EPS15: variants seen among roughly 807,000 people sequenced by gnomAD.
EPS15 encodes the protein epidermal growth factor receptor pathway substrate 15, also known as epidermal growth factor receptor substrate 15.
In EPS15, 72 loss-of-function variants were observed where a neutral mutation model predicts 113.8. The observed-to-expected ratio is 0.63, with a 90% confidence interval of 0.52 to 0.77. The LOEUF is 0.77. Among genes scored for constraint, EPS15 ranks in the 30% least tolerant of loss-of-function variants. The probability of loss-of-function intolerance (pLI) is 0.00; values close to 1 mark genes in which losing one functional copy is unlikely to be tolerated. For missense variants in EPS15, 1,048 were observed against 1,045.8 expected (o/e 1.00, Z -0.03); for synonymous variants, 344 against 363.4 (o/e 0.95, Z 0.61).
chr1:51,358,695 A>ATTTTTTTTTT (rs1646299139), intron 24 of EPS15, among the ~76,000 whole-genome samples: 2 of 140,416 alleles, frequency 1.4e-5, no homozygotes, highest in African/African-American at 5.5e-5. Context: ...TTCCAACCAG[A>ATTTTTTTTTT]TTTGTTTTTT....
chr1:51,377,675 G>A (rs1163645501), intron 21 of EPS15, among the ~76,000 whole-genome samples: 1 of 152,176 alleles, frequency 6.6e-6, no homozygotes, highest in Non-Finnish European at 1.5e-5. Context: ...TATCTTGTGT[G>A]GGTAAAAGGC....
At chr1:51,377,195 C>T (rs1019265961) in intron 21 of EPS15, among the ~76,000 whole-genome samples, 4 of 152,156 alleles carry the variant, frequency 2.6e-5, no homozygotes, top group African/African-American at 7.2e-5. Context: ...ACCCAAGAGG[C>T]GGAAGTTGCA....
chr1:51,421,744 T>A (rs887700075), intron 13 of EPS15, 42 bp downstream of exon 13: 1 of 1,270,628 alleles, frequency 7.9e-7, no homozygotes, highest in African/African-American at 1.5e-5. Context: ...AAATGAATAG[T>A]CCTAAATCAG....
intron 8 of EPS15, among the ~76,000 whole-genome samples, chr1:51,459,313 A>G (rs970502202): frequency 6.6e-5 from 10 of 152,160 alleles, no homozygotes; most frequent in Non-Finnish European, 1.2e-4. Context: ...CCTGGCCAAC[A>G]TGGTGAAACC....
At chr1:51,517,735 C>CTTCCCCACTGTGA (rs113850099) in intron 1 of EPS15, among the ~76,000 whole-genome samples, 1 of 152,156 alleles carries the variant, frequency 6.6e-6, no homozygotes. Context: ...TTAAAGGGTT[C>CTTCCCCACTGTGA]TCTGCTTGTC....
intron 11 of EPS15, among the ~76,000 whole-genome samples, chr1:51,441,572 T>C (rs1652601237): frequency 6.6e-6 from 1 of 152,116 alleles, no homozygotes; most frequent in Non-Finnish European, 1.5e-5. Flanking sequence ...GTATAGTTAA[T>C]TTACGTCAAC....
At position 51,408,207 on chromosome 1, in the gene EPS15, A is replaced by T. The variant is rs150935900; in HGVS notation, c.1401T>A (p.Ser467Arg). The stretch of plus-strand genomic sequence containing the variant: ...CCAACTGAGCCTTCCCTGACTCTAC[A>T]CTCTCCTCCAATTCTGCTGTTTCTT... ...LQQETAELEE[S>R]VESGKAQLEP... Residue 467 changes from serine to arginine, a missense_variant, in exon 15 of 25, where the codon AGT (serine) becomes AGA (arginine). Transcript: ENST00000371733. The T allele has an allele frequency of 1.2e-6, 2 of 1,613,544 alleles. No individual in the cohort carries two copies. Among genetic ancestry groups the T allele is most frequent in the Non-Finnish European group, 1.7e-6 (2 of 1,179,822 alleles).
At chr1:51,369,751 C>T (rs1016212017) in intron 21 of EPS15, among the ~76,000 whole-genome samples, 1 of 152,086 alleles carries the variant, frequency 6.6e-6, no homozygotes, top group Non-Finnish European at 1.5e-5. Flanking sequence ...CTGATTTAAT[C>T]ACAGTACTCA....
Position 51,356,562 on chromosome 1 carries a change from C to G in EPS15, c.*138G>C. 1.5e-6 allele frequency: 1 copy of G among 646,474 alleles called. No individual in the cohort carries two copies. Among genetic ancestry groups the G allele is most frequent in the Admixed American group, 3.9e-5 (1 of 25,864 alleles). The allele number at this position is 646,474 out of a possible 1,614,324, so 40.0% of individuals were successfully genotyped here. A position where few individuals can be genotyped will look rare whatever the true frequency, so the allele number is the denominator to read the frequency against. ...CTGTAATGAAGAAAAAAAAAAAATC[C>G]TAAAATTTTGTCACATTTACAGGAA... is the stretch of plus-strand genomic sequence containing the variant. On this transcript the variant is annotated 3_prime_UTR_variant, in exon 25 of 25. Coordinates refer to ENST00000371733, the MANE Select transcript of EPS15 (RefSeq NM_001981.3).
In EPS15 at chr1:51,435,390, C is replaced by T. The variant is rs557540939; in HGVS notation, c.1040+4957G>A. Among the ~76,000 whole-genome samples, 21 of 152,138 alleles carry T rather than the reference C, an allele frequency of 1.4e-4. 1 individual carries two copies. In the South Asian group the frequency reaches 1.5e-3, roughly 11 times the overall value. On this transcript the variant is annotated intron_variant, in intron 12 of 24. Coordinates refer to ENST00000371733, the MANE Select transcript of EPS15 (RefSeq NM_001981.3). The stretch of plus-strand genomic sequence containing the variant: ...TGTATTTTTAGTACAGATGAGGTTT[C>T]GCCATGTTGGCCAAGCTGGTCTCAA...
chr1:51,509,956 A>G (rs925763638), intron 1 of EPS15, among the ~76,000 whole-genome samples: 1 of 152,242 alleles, frequency 6.6e-6, no homozygotes, highest in African/African-American at 2.4e-5. Flanking sequence ...CTACTGGGTT[A>G]CAATTCTGGC....
intron 1 of EPS15, among the ~76,000 whole-genome samples, chr1:51,511,285 G>A (rs1310902930): frequency 6.6e-6 from 1 of 151,998 alleles, no homozygotes; most frequent in Admixed American, 6.6e-5. Context: ...CTTGAGGTCG[G>A]GAGATAGAGA....
intron 12 of EPS15, among the ~76,000 whole-genome samples, chr1:51,426,845 A>C (rs375075201): frequency 0.02 from 2,846 of 144,886 alleles, 51 homozygotes; most frequent in South Asian, 0.034. Context: ...CTCTATATAT[A>C]TATATATACA....
intron 15 of EPS15, among the ~76,000 whole-genome samples, chr1:51,407,889 C>G (rs1388827145): frequency 6.6e-6 from 1 of 152,096 alleles, no homozygotes; most frequent in East Asian, 1.9e-4. Flanking sequence ...AGTACTTAAA[C>G]CTAGACCATC....
At chr1:51,477,468 A>T (rs1278746906) in intron 2 of EPS15, among the ~76,000 whole-genome samples, 1 of 151,894 alleles carries the variant, frequency 6.6e-6, no homozygotes, top group Non-Finnish European at 1.5e-5. Context: ...TTCTGCTCTC[A>T]TCTTAGTTAT....
chr1:51,518,831 T>C (rs1045584830), intron 1 of EPS15, among the ~76,000 whole-genome samples: 9 of 151,668 alleles, frequency 5.9e-5, no homozygotes, highest in Middle Eastern at 3.2e-3. Flanking sequence ...CTGGGATGCG[T>C]GCGGCCCTGT....
intron 8 of EPS15, chr1:51,458,057 A>T (rs189021230): frequency 6.6e-6 from 1 of 152,298 alleles, no homozygotes; most frequent in African/African-American, 2.4e-5. Flanking sequence ...CACAACAAAC[A>T]TAAGAAATAT....
At chr1:51,443,703 T>C (rs1296091848) in intron 11 of EPS15, among the ~76,000 whole-genome samples, 1 of 151,794 alleles carries the variant, frequency 6.6e-6, no homozygotes, top group Non-Finnish European at 1.5e-5. Context: ...GGCTGGAGTG[T>C]AGCAGTTGGA....
At chr1:51,375,379 C>G (rs575125490) in intron 21 of EPS15, among the ~76,000 whole-genome samples, 1 of 152,224 alleles carries the variant, frequency 6.6e-6, no homozygotes, top group South Asian at 2.1e-4. Flanking sequence ...CATTTAAGAA[C>G]AAAAATTTAC....
Sources: allele counts gnomAD v4.1 joint callset (sites outside exome capture counted in the v4.1 genomes callset), GRCh38; gene constraint gnomAD v4.1.1; transcripts MANE v1.5; gene names NCBI Gene and HGNC (gene_info 2026-07-23, HGNC 2026-07-21).